Variants in TNRC6B observed in about 807,000 individuals in gnomAD.
The protein encoded by TNRC6B is trinucleotide repeat containing adaptor 6B.
In TNRC6B, 52 loss-of-function variants were observed where a neutral mutation model predicts 203.6. That is an observed-to-expected ratio of 0.26 (90% confidence interval 0.20 to 0.32). TNRC6B has a LOEUF of 0.32. Among genes scored for constraint, TNRC6B ranks in the 10% least tolerant of loss-of-function variants. The probability of loss-of-function intolerance (pLI) is 1.00; values close to 1 mark genes in which losing one functional copy is unlikely to be tolerated. For missense variants in TNRC6B, 1,923 were observed against 2,286.2 expected, an observed-to-expected ratio of 0.84 and a Z score of 3.24; for synonymous variants, 838 against 845.7, an observed-to-expected ratio of 0.99 and a Z score of 0.16.
In TNRC6B at chr22:40,125,879, A is replaced by C. The variant is rs371307260; in HGVS notation, c.45+17A>C. The C allele has an allele frequency of 1.3e-5, 21 of 1,609,946 alleles. No homozygotes were observed. The African/African-American group carries it at 2.5e-4, about 19-fold the overall frequency. On this transcript the variant is annotated intron_variant, in intron 3 of 23. Transcript: ENST00000301923. Reference sequence around the variant, plus strand: ...AGTTCCAAGGTCAGTAAATTACTGAAAGGTACAGTTTGGGTAGAAATTGAA... The same window carrying C: ...AGTTCCAAGGTCAGTAAATTACTGACAGGTACAGTTTGGGTAGAAATTGAA...
intron 1 of TNRC6B, among the ~76,000 whole-genome samples, chr22:40,203,679 G>C (rs1412274214): frequency 6.6e-6 from 1 of 150,660 alleles, no homozygotes; most frequent in Non-Finnish European, 1.5e-5. Flanking sequence ...TCAGTCATCA[G>C]AACAGAATCG....
intron 3 of TNRC6B, among the ~76,000 whole-genome samples, chr22:40,138,220 T>C (rs1382412168): frequency 1.3e-5 from 2 of 152,274 alleles, no homozygotes; most frequent in African/African-American, 4.8e-5. Flanking sequence ...AATGATGCCA[T>C]GTGAAATAGG....
intron 3 of TNRC6B, among the ~76,000 whole-genome samples, chr22:40,145,325 A>T (rs1028552839): frequency 6.6e-6 from 1 of 152,090 alleles, no homozygotes; most frequent in African/African-American, 2.4e-5. Flanking sequence ...CTTGTGAATT[A>T]TACTTCAATT....
chr22:40,200,534 C>T (rs2069398743), intron 1 of TNRC6B, among the ~76,000 whole-genome samples: 3 of 151,380 alleles, frequency 2.0e-5, no homozygotes, highest in Admixed American at 6.6e-5. Context: ...GTGATCTGCC[C>T]GCCTCGGCCT....
At chr22:40,176,990 G>A (rs1376387609), upstream of TNRC6B, among the ~76,000 whole-genome samples, 1 of 152,216 alleles carries the variant, frequency 6.6e-6, no homozygotes, top group African/African-American at 2.4e-5. Context: ...GGCAGGGTGG[G>A]AGGATGGGTA....
chr22:40,275,680 T>C (rs2070631661), intron 7 of TNRC6B, among the ~76,000 whole-genome samples: 3 of 152,236 alleles, frequency 2.0e-5, no homozygotes, highest in South Asian at 2.1e-4. Flanking sequence ...CTGTACTAGC[T>C]GGCTGCGGTG....
At chr22:40,068,688 T>C (rs896707478) in intron 1 of TNRC6B, among the ~76,000 whole-genome samples, 11 of 152,122 alleles carry the variant, frequency 7.2e-5, no homozygotes, top group Admixed American at 4.6e-4. Flanking sequence ...TGTTTTCTTT[T>C]CATTTTCTTT....
intron 12 of TNRC6B, among the ~76,000 whole-genome samples, chr22:40,288,554 T>C (rs1460414701): frequency 6.6e-6 from 1 of 151,816 alleles, no homozygotes; most frequent in Non-Finnish European, 1.5e-5. Flanking sequence ...ATTTTTTTTT[T>C]TTTTTTGAGT....
At chr22:40,310,170 G>C (rs1053213729) in intron 16 of TNRC6B, among the ~76,000 whole-genome samples, 1 of 152,190 alleles carries the variant, frequency 6.6e-6, no homozygotes, top group Non-Finnish European at 1.5e-5. Flanking sequence ...CAGGAAACCA[G>C]TTACAAAGGA....
chr22:40,214,003 C>A (rs1183699208), intron 1 of TNRC6B, among the ~76,000 whole-genome samples: 1 of 152,190 alleles, frequency 6.6e-6, no homozygotes, highest in African/African-American at 2.4e-5. Flanking sequence ...CACGGTGGCT[C>A]ACGCTTGTAA....
intron 15 of TNRC6B, among the ~76,000 whole-genome samples, chr22:40,305,511 G>C (rs1461426066): frequency 6.6e-6 from 1 of 152,196 alleles, no homozygotes; most frequent in Non-Finnish European, 1.5e-5. Context: ...GCACCCACTA[G>C]AGCACAGTGT....
intron 1 of TNRC6B, among the ~76,000 whole-genome samples, chr22:40,232,981 C>G (rs2069896278): frequency 6.6e-6 from 1 of 151,978 alleles, no homozygotes; most frequent in Non-Finnish European, 1.5e-5. Flanking sequence ...AACCCTGTCT[C>G]TACTAAAATA....
chr22:40,203,971 T>C (rs2069446382), intron 1 of TNRC6B, among the ~76,000 whole-genome samples: 1 of 152,212 alleles, frequency 6.6e-6, no homozygotes, highest in Non-Finnish European at 1.5e-5. Context: ...TCTCTCCATC[T>C]CCCCACCCAA....
At chr22:40,162,789 G>T (rs2068882108) in intron 4 of TNRC6B, among the ~76,000 whole-genome samples, 1 of 152,116 alleles carries the variant, frequency 6.6e-6, no homozygotes, top group Non-Finnish European at 1.5e-5. Context: ...TGGCTTTTCT[G>T]TATAATCTTG....
chr22:40,098,565 G>C (rs2146302635), intron 1 of TNRC6B, among the ~76,000 whole-genome samples: 1 of 152,152 alleles, frequency 6.6e-6, no homozygotes, highest in African/African-American at 2.4e-5. Flanking sequence ...ATTGTTCTAA[G>C]TCATAGAAAA....
At chr22:40,269,714 C>T (rs1391699667) in intron 5 of TNRC6B, among the ~76,000 whole-genome samples, 1 of 150,770 alleles carries the variant, frequency 6.6e-6, no homozygotes, top group Admixed American at 6.6e-5. Flanking sequence ...AACCCTGTCT[C>T]TACTTAAAAA....
chr22:40,292,152 C>G (rs951403306), intron 12 of TNRC6B, among the ~76,000 whole-genome samples: 1 of 152,110 alleles, frequency 6.6e-6, no homozygotes, highest in African/African-American at 2.4e-5. Context: ...CGAGATCGTG[C>G]CACTGCGCTC....
At chr22:40,225,255 G>A (rs932271328) in intron 1 of TNRC6B, among the ~76,000 whole-genome samples, 6 of 152,134 alleles carry the variant, frequency 3.9e-5, no homozygotes, top group Non-Finnish European at 8.8e-5. Context: ...GAGAGATGGA[G>A]GCAAAAGAAC....
chr22:40,205,283 T>C (rs1440384401), intron 1 of TNRC6B, among the ~76,000 whole-genome samples: 2 of 152,214 alleles, frequency 1.3e-5, no homozygotes, highest in Non-Finnish European at 2.9e-5. Flanking sequence ...ATTAAGTAGA[T>C]GGTGTTCACA....
Sources: allele counts gnomAD v4.1 joint callset (sites outside exome capture counted in the v4.1 genomes callset), GRCh38; gene constraint gnomAD v4.1.1; transcripts MANE v1.5; gene names NCBI Gene and HGNC (gene_info 2026-07-23, HGNC 2026-07-21).